HDAC9: variants seen among roughly 807,000 people sequenced by gnomAD.
HDAC9 encodes the protein histone deacetylase 9.
HDAC9 carries 41 observed loss-of-function variants against 139.4 expected under a neutral mutation model. The observed-to-expected ratio is 0.29, with a 90% CI of 0.23 to 0.38. The LOEUF (loss-of-function observed/expected upper bound fraction) is 0.38, where lower values mean the gene tolerates loss of function less well. HDAC9 is among the 10% of genes least tolerant of loss of function. The pLI is 1.00. For missense variants in HDAC9, 1,147 were observed against 1,297.0 expected (o/e 0.88, Z 1.78); for synonymous variants, 517 against 476.2 (o/e 1.09, Z -1.12).
chr7:18,179,258 T>C (rs1171153133), intron 2 of HDAC9, among the ~76,000 whole-genome samples: 1 of 152,226 alleles, frequency 6.6e-6, no homozygotes, highest in Non-Finnish European at 1.5e-5. Context: ...TAGTCCAGCC[T>C]CCTGTGGGGT....
chr7:18,379,011 T>TA (rs757454485), intron 1 of HDAC9, among the ~76,000 whole-genome samples: 2 of 152,122 alleles, frequency 1.3e-5, no homozygotes, highest in Non-Finnish European at 2.9e-5. Context: ...GATTTATACC[T>TA]AAAAAAATCA....
At chr7:18,980,498 G>C (rs912298354) in intron 25 of HDAC9, among the ~76,000 whole-genome samples, 2 of 152,008 alleles carry the variant, frequency 1.3e-5, no homozygotes, top group Non-Finnish European at 2.9e-5. Flanking sequence ...TTTAAAATGA[G>C]AGAAAAATTT....
At chr7:18,173,378 C>T (rs1172272725) in intron 2 of HDAC9, among the ~76,000 whole-genome samples, 1 of 152,206 alleles carries the variant, frequency 6.6e-6, no homozygotes, top group Non-Finnish European at 1.5e-5. Flanking sequence ...CTGAATACAT[C>T]ACACTGATGG....
At chr7:18,125,876 A>C (rs904177956) in intron 1 of HDAC9, among the ~76,000 whole-genome samples, 2 of 152,184 alleles carry the variant, frequency 1.3e-5, no homozygotes, top group Non-Finnish European at 2.9e-5. Flanking sequence ...AACTATTTAA[A>C]AATGTGAAAA....
intron 16 of HDAC9, among the ~76,000 whole-genome samples, chr7:18,771,190 G>T (rs2129164310): frequency 6.6e-6 from 1 of 152,048 alleles, no homozygotes; most frequent in African/African-American, 2.4e-5. Context: ...TTTAATGAAG[G>T]CACCTTCTCC....
At chr7:18,409,700 C>CAT (rs1222296550) in intron 1 of HDAC9, among the ~76,000 whole-genome samples, 1 of 152,144 alleles carries the variant, frequency 6.6e-6, no homozygotes, top group African/African-American at 2.4e-5. Context: ...AATACAAAGA[C>CAT]ATATACTGTG....
At chr7:18,177,532 G>C (rs565811294) in intron 2 of HDAC9, among the ~76,000 whole-genome samples, 1 of 152,100 alleles carries the variant, frequency 6.6e-6, no homozygotes, top group African/African-American at 2.4e-5. Flanking sequence ...TTGCTTGGAG[G>C]CCTTTGAATG....
intron 2 of HDAC9, among the ~76,000 whole-genome samples, chr7:18,563,733 C>A (rs1388400698): frequency 3.3e-5 from 5 of 151,918 alleles, no homozygotes; most frequent in African/African-American, 4.8e-5. Context: ...CAACCCCCCC[C>A]ATGAACTTAG....
intron 23 of HDAC9, among the ~76,000 whole-genome samples, chr7:18,944,973 A>C (rs964953814): frequency 6.6e-6 from 1 of 152,142 alleles, no homozygotes; most frequent in African/African-American, 2.4e-5. Context: ...GAATTTTTCC[A>C]GTTTGGGGGC....
intron 1 of HDAC9, among the ~76,000 whole-genome samples, chr7:18,324,014 A>C (rs1403509904): frequency 6.6e-6 from 1 of 151,676 alleles, no homozygotes; most frequent in Admixed American, 6.6e-5. Flanking sequence ...TAAGAGCACT[A>C]ACCTCATTCA....
chr7:18,455,928 C>G (rs1346715060), intron 1 of HDAC9, among the ~76,000 whole-genome samples: 1 of 151,944 alleles, frequency 6.6e-6, no homozygotes, highest in African/African-American at 2.4e-5. Flanking sequence ...AACATTGAAA[C>G]CAAAGGATAA....
chr7:18,336,649 A>C (rs1365878355), intron 1 of HDAC9, among the ~76,000 whole-genome samples: 1 of 151,648 alleles, frequency 6.6e-6, no homozygotes, highest in Non-Finnish European at 1.5e-5. Context: ...GTCACTCTCC[A>C]AGTTCAGGAT....
At chr7:18,486,028 T>G (rs1175933071) in intron 1 of HDAC9, among the ~76,000 whole-genome samples, 1 of 152,156 alleles carries the variant, frequency 6.6e-6, no homozygotes, top group East Asian at 1.9e-4. Context: ...TAAGGGCATC[T>G]TGTGTGGCCT....
At chr7:18,792,267 TAAA>T (rs79869842) in intron 16 of HDAC9, among the ~76,000 whole-genome samples, 16 of 141,344 alleles carry the variant, frequency 1.1e-4, no homozygotes, top group African/African-American at 4.0e-4. Flanking sequence ...CTTTTTTTTT[TAAA>T]AAAAAAAAAA....
chr7:18,674,466 A>G (rs1490654672), intron 12 of HDAC9, among the ~76,000 whole-genome samples: 1 of 151,906 alleles, frequency 6.6e-6, no homozygotes, highest in Non-Finnish European at 1.5e-5. Flanking sequence ...GAACTCCCCA[A>G]CTTGAAATCA....
chr7:18,760,221 A>T (rs114719490), intron 14 of HDAC9, among the ~76,000 whole-genome samples: 2,003 of 152,250 alleles, frequency 0.013, 49 homozygotes, highest in African/African-American at 0.046. Flanking sequence ...TGCTCAGTCC[A>T]ATTTTAGATG....
At chr7:18,267,929 CA>C (rs1370691792) in intron 2 of HDAC9, among the ~76,000 whole-genome samples, 3 of 151,874 alleles carry the variant, frequency 2.0e-5, no homozygotes, top group African/African-American at 7.2e-5. Context: ...CTTAAAATAC[CA>C]ACAAAAAAAC....
chr7:18,367,973 C>T (rs1048222963), intron 1 of HDAC9, among the ~76,000 whole-genome samples: 3 of 152,014 alleles, frequency 2.0e-5, no homozygotes, highest in Admixed American at 6.6e-5. Context: ...CATAGTGTTT[C>T]GACTTATGGG....
At chr7:18,771,820 A>G (rs570754697) in intron 16 of HDAC9, among the ~76,000 whole-genome samples, 3 of 152,246 alleles carry the variant, frequency 2.0e-5, no homozygotes, top group African/African-American at 4.8e-5. Context: ...GTTAAACTCA[A>G]TGCGACAAAA....
Sources: gnomAD v4.1 joint callset for allele counts (sites outside exome capture counted in the v4.1 genomes callset) on GRCh38, gnomAD v4.1.1 for gene constraint, MANE v1.5 for transcripts, NCBI Gene and HGNC (gene_info 2026-07-23, HGNC 2026-07-21) for gene names.